IL1RAPL1: variants seen among roughly 807,000 people sequenced by gnomAD.
The protein encoded by IL1RAPL1 is interleukin 1 receptor accessory protein like 1.
Under a neutral mutation model 48.4 loss-of-function variants are expected in IL1RAPL1, and 3 were observed. That is an observed-to-expected ratio of 0.06 (90% CI 0.03 to 0.16). The LOEUF is 0.16. IL1RAPL1 is among the 10% of genes least tolerant of loss of function. The pLI, the probability that IL1RAPL1 is intolerant of heterozygous loss-of-function variation, is 1.00. For synonymous variants in IL1RAPL1, 185 were observed against 187.7 expected (o/e 0.99, Z 0.12); for missense variants, 349 against 530.6 (o/e 0.66, Z 3.36).
chrX:29,826,654 T>C (rs1003884256), intron 6 of IL1RAPL1, among the ~76,000 whole-genome samples: 1 of 111,980 alleles, frequency 8.9e-6, no homozygotes, highest in Admixed American at 9.5e-5. Flanking sequence ...TTTTTGTGTC[T>C]AGCTTCCTTC....
chrX:29,827,129 C>T (rs912545368), intron 6 of IL1RAPL1, among the ~76,000 whole-genome samples: 11 of 111,814 alleles, frequency 9.8e-5, no homozygotes, highest in East Asian at 5.6e-4. Flanking sequence ...CGTAGTTTTG[C>T]GGGTTGGTTG....
intron 2 of IL1RAPL1, among the ~76,000 whole-genome samples, chrX:29,194,954 G>T (rs901068249): frequency 1.8e-5 from 2 of 111,051 alleles, no homozygotes; most frequent in African/African-American, 3.3e-5. Context: ...TTATAGGTGA[G>T]AAAACCTATT....
At chrX:29,160,995 T>G (rs6630818) in intron 2 of IL1RAPL1, among the ~76,000 whole-genome samples, 1,270 of 109,720 alleles carry the variant, frequency 0.012, 20 homozygotes, top group African/African-American at 0.039. Flanking sequence ...GAGGCGGAGG[T>G]TGCAGTGAGC....
intron 2 of IL1RAPL1, among the ~76,000 whole-genome samples, chrX:28,951,608 T>G (rs1924468481): frequency 9.0e-6 from 1 of 111,154 alleles, no homozygotes; most frequent in Non-Finnish European, 1.9e-5. Flanking sequence ...AGAATTGATA[T>G]CTGCTTAGCC....
chrX:29,402,748 T>C (rs748118016), intron 5 of IL1RAPL1, among the ~76,000 whole-genome samples: 58 of 110,039 alleles, frequency 5.3e-4, no homozygotes, highest in Non-Finnish European at 8.7e-4. Flanking sequence ...TTAGTTGTTA[T>C]GTCTCCTTAA....
chrX:29,097,276 T>G (rs774665958), intron 2 of IL1RAPL1, among the ~76,000 whole-genome samples: 46 of 111,883 alleles, frequency 4.1e-4, no homozygotes, highest in Admixed American at 1.5e-3. Context: ...CCTGGCAAAT[T>G]TTTGTGTTGT....
At chrX:29,417,272 G>T (rs1396981110) in intron 5 of IL1RAPL1, among the ~76,000 whole-genome samples, 2 of 111,526 alleles carry the variant, frequency 1.8e-5, no homozygotes, top group African/African-American at 6.5e-5. Flanking sequence ...TGAGAAAACT[G>T]CATGAAAATG....
chrX:28,920,104 T>A (rs775346882), intron 2 of IL1RAPL1, among the ~76,000 whole-genome samples: 1 of 112,165 alleles, frequency 8.9e-6, no homozygotes, highest in African/African-American at 3.2e-5. Flanking sequence ...TTTTCTTTTG[T>A]GCATCCAGTA....
intron 6 of IL1RAPL1, among the ~76,000 whole-genome samples, chrX:29,729,073 C>T (rs1196702103): frequency 1.8e-5 from 2 of 111,568 alleles, no homozygotes; most frequent in East Asian, 2.8e-4. Flanking sequence ...GTCATGTCTA[C>T]GTTTTTCGAT....
chrX:29,357,436 T>A, intron 3 of IL1RAPL1, among the ~76,000 whole-genome samples: 1 of 112,296 alleles, frequency 8.9e-6, no homozygotes, highest in Middle Eastern at 4.6e-3. Flanking sequence ...TAATTAGCTT[T>A]GATTTTGCAT....
At chrX:29,866,401 A>G (rs1931696453) in intron 6 of IL1RAPL1, among the ~76,000 whole-genome samples, 1 of 110,863 alleles carries the variant, frequency 9.0e-6, no homozygotes, top group Admixed American at 9.6e-5. Flanking sequence ...AATGAGCACC[A>G]TGATGAGAAA....
intron 2 of IL1RAPL1, among the ~76,000 whole-genome samples, chrX:29,005,281 A>T (rs949649841): frequency 8.9e-6 from 1 of 112,329 alleles, no homozygotes; most frequent in Admixed American, 9.5e-5. Context: ...CTCAGGTTTG[A>T]CAATGATAAG....
At chrX:28,885,109 A>G (rs769803001) in intron 2 of IL1RAPL1, among the ~76,000 whole-genome samples, 1 of 111,771 alleles carries the variant, frequency 8.9e-6, no homozygotes, top group South Asian at 3.7e-4. Context: ...TGAATGTACA[A>G]ATAGATGCAA....
At chrX:29,771,617 A>G (rs1450678707) in intron 6 of IL1RAPL1, among the ~76,000 whole-genome samples, 1 of 111,813 alleles carries the variant, frequency 8.9e-6, no homozygotes, top group Non-Finnish European at 1.9e-5. Flanking sequence ...CTATTTATCT[A>G]TTTTCTTCTA....
intron 1 of IL1RAPL1, among the ~76,000 whole-genome samples, chrX:28,742,072 G>A (rs1305335787): frequency 9.0e-6 from 1 of 111,367 alleles, no homozygotes; most frequent in African/African-American, 3.3e-5. Flanking sequence ...TCTCTGCGCA[G>A]ACTGGCAGAA....
chrX:29,349,292 T>C (rs1268552342), intron 3 of IL1RAPL1, among the ~76,000 whole-genome samples: 1 of 112,497 alleles, frequency 8.9e-6, no homozygotes, highest in Non-Finnish European at 1.9e-5. Context: ...AATGGAGGTC[T>C]TCTGACCTAT....
chrX:29,008,537 T>C (rs1333564146), intron 2 of IL1RAPL1, among the ~76,000 whole-genome samples: 1 of 112,584 alleles, frequency 8.9e-6, no homozygotes, highest in East Asian at 2.8e-4. Flanking sequence ...ATTTAATCAT[T>C]TTATAACATA....
intron 5 of IL1RAPL1, among the ~76,000 whole-genome samples, chrX:29,442,298 A>G (rs1170012654): frequency 9.1e-6 from 1 of 110,268 alleles, no homozygotes; most frequent in Non-Finnish European, 1.9e-5. Flanking sequence ...AAACAAAAAC[A>G]TAAAGTGGGG....
intron 2 of IL1RAPL1, among the ~76,000 whole-genome samples, chrX:28,878,762 A>G (rs1263710053): frequency 2.7e-5 from 3 of 111,374 alleles, no homozygotes; most frequent in Non-Finnish European, 5.7e-5. Context: ...GGCTCTGGGA[A>G]AGTTCATGGT....
Sources: gnomAD v4.1 joint callset for allele counts (sites outside exome capture counted in the v4.1 genomes callset) on GRCh38, gnomAD v4.1.1 for gene constraint, MANE v1.5 for transcripts, NCBI Gene and HGNC (gene_info 2026-07-23, HGNC 2026-07-21) for gene names.